NXPE4: variants seen among roughly 807,000 people sequenced by gnomAD.
NXPE4 encodes NXPE family member 4.
NXPE4 carries 42 observed loss-of-function variants against 33.3 expected under a neutral mutation model. The ratio of observed to expected loss-of-function variants is 1.26; its 90% CI spans 0.98 to 1.63. The LOEUF is 1.63. Ranked by LOEUF, NXPE4 falls within the 40% of genes most tolerant of loss-of-function variation. The pLI, the probability that NXPE4 is intolerant of heterozygous loss-of-function variation, is 0.00. For missense variants in NXPE4, 709 were observed against 647.6 expected (o/e 1.09, Z -1.03); for synonymous variants, 253 against 234.9 (o/e 1.08, Z -0.71).
the NXPE4 span, among the ~76,000 whole-genome samples, chr11:114,624,114 T>C: frequency 1.3e-5 from 2 of 151,986 alleles, no homozygotes; most frequent in African/African-American, 4.8e-5. Flanking sequence ...ATGTCGTGGG[T>C]AACCACTGTT....
chr11:114,662,049 C>A, the NXPE4 span, among the ~76,000 whole-genome samples: 2 of 152,162 alleles, frequency 1.3e-5, no homozygotes, highest in African/African-American at 4.8e-5. Flanking sequence ...ACCAATTTAA[C>A]AACTATCGAC....
chr11:114,601,830 AATT>A, the NXPE4 span, among the ~76,000 whole-genome samples: 1 of 73,114 alleles, frequency 1.4e-5, no homozygotes. Context: ...TATAATATAT[AATT>A]ATATATATAA....
chr11:114,577,161 C>CAT (rs373459330), intron 5 of NXPE4, among the ~76,000 whole-genome samples: 5,766 of 134,502 alleles, frequency 0.043, 170 homozygotes, highest in Middle Eastern at 0.091. Context: ...ATATATGTGT[C>CAT]ATATATATAT....
At chr11:114,627,299 C>A in the NXPE4 span, among the ~76,000 whole-genome samples, 1 of 152,006 alleles carries the variant, frequency 6.6e-6, no homozygotes, top group Non-Finnish European at 1.5e-5. Context: ...AAGGGAAGCC[C>A]ATCAGACTAA....
intron 4 of NXPE4, among the ~76,000 whole-genome samples, chr11:114,580,757 G>C (rs1198141164): frequency 6.6e-6 from 1 of 152,168 alleles, no homozygotes; most frequent in Non-Finnish European, 1.5e-5. Context: ...AATCCTTTGA[G>C]TTAAATAAAG....
intron 2 of NXPE4, 69 bp from the exon 3 acceptor site, chr11:114,583,090 G>A (rs1209489643): frequency 1.4e-6 from 2 of 1,477,272 alleles, no homozygotes; most frequent in Non-Finnish European, 9.1e-7. Flanking sequence ...ATGACAGGAA[G>A]TGTAACATGC....
At chr11:114,676,384 A>C in the NXPE4 span, among the ~76,000 whole-genome samples, 1 of 149,378 alleles carries the variant, frequency 6.7e-6, no homozygotes, top group Non-Finnish European at 1.5e-5. Flanking sequence ...TTTAAATTAA[A>C]TATAAAAGAA....
the NXPE4 span, among the ~76,000 whole-genome samples, chr11:114,631,515 G>C: frequency 1.7e-5 from 2 of 116,552 alleles, no homozygotes; most frequent in African/African-American, 6.6e-5. Context: ...ACACTCTGGG[G>C]ACTGTTGTGG....
the NXPE4 span, among the ~76,000 whole-genome samples, chr11:114,622,040 GATA>G: frequency 7.2e-5 from 11 of 152,116 alleles, no homozygotes; most frequent in East Asian, 1.9e-4. Flanking sequence ...TTACCCAGTG[GATA>G]ATAAGTATTC....
At chr11:114,647,675 A>C in the NXPE4 span, among the ~76,000 whole-genome samples, 7 of 151,554 alleles carry the variant, frequency 4.6e-5, no homozygotes, top group Non-Finnish European at 1.5e-5. Context: ...TCTTTCTCTC[A>C]ATCAGTATTT....
At chr11:114,618,619 C>T in the NXPE4 span, among the ~76,000 whole-genome samples, 1 of 151,930 alleles carries the variant, frequency 6.6e-6, no homozygotes, top group Non-Finnish European at 1.5e-5. Context: ...TAAGTATTGC[C>T]TTGTGAGTAA....
chr11:114,610,636 C>T, the NXPE4 span, among the ~76,000 whole-genome samples: 1 of 151,864 alleles, frequency 6.6e-6, no homozygotes, highest in Non-Finnish European at 1.5e-5. Context: ...AGTGTTGCCT[C>T]ATGGGTAACC....
At chr11:114,656,909 G>A in the NXPE4 span, among the ~76,000 whole-genome samples, 2 of 151,958 alleles carry the variant, frequency 1.3e-5, no homozygotes, top group Admixed American at 6.6e-5. Flanking sequence ...TGGCTAACAC[G>A]GTGAAACCCC....
At chr11:114,588,821 C>T (rs1039409576) in intron 2 of NXPE4, among the ~76,000 whole-genome samples, 26 of 152,134 alleles carry the variant, frequency 1.7e-4, no homozygotes, top group African/African-American at 4.8e-4. Flanking sequence ...ACCTTCTTGT[C>T]CCCTGATTCA....
the NXPE4 span, among the ~76,000 whole-genome samples, chr11:114,618,909 C>T: frequency 6.6e-6 from 1 of 151,004 alleles, no homozygotes; most frequent in African/African-American, 2.4e-5. Context: ...ATAATAAGGA[C>T]TGTCTCATGG....
the NXPE4 span, among the ~76,000 whole-genome samples, chr11:114,676,506 A>G: frequency 0.14 from 21,904 of 152,044 alleles, 1,945 homozygotes; most frequent in East Asian, 0.38. Context: ...TATATGAAAA[A>G]AATGTCAAGC....
the NXPE4 span, among the ~76,000 whole-genome samples, chr11:114,617,904 C>T: frequency 6.6e-6 from 1 of 152,054 alleles, no homozygotes; most frequent in Non-Finnish European, 1.5e-5. Flanking sequence ...ATAAGTATTG[C>T]CTCATGGGTA....
At chr11:114,632,998 TAA>T in the NXPE4 span, among the ~76,000 whole-genome samples, 2 of 101,240 alleles carry the variant, frequency 2.0e-5, no homozygotes, top group Non-Finnish European at 3.5e-5. Flanking sequence ...ATATAATATA[TAA>T]TAATATATAT....
At chr11:114,648,455 T>C in the NXPE4 span, among the ~76,000 whole-genome samples, 2 of 152,198 alleles carry the variant, frequency 1.3e-5, no homozygotes, top group Admixed American at 1.3e-4. Context: ...CTTTCACAAA[T>C]TGGATGAGGC....
Sources: gnomAD v4.1 joint callset for allele counts (sites outside exome capture counted in the v4.1 genomes callset) on GRCh38, gnomAD v4.1.1 for gene constraint, MANE v1.5 for transcripts, NCBI Gene and HGNC (gene_info 2026-07-23, HGNC 2026-07-21) for gene names.